Variants in KLF15 observed in about 807,000 individuals in gnomAD.
KLF15 encodes KLF transcription factor 15.
KLF15 carries 4 observed loss-of-function variants against 24.6 expected under a neutral mutation model. That is an observed-to-expected ratio of 0.16 (90% CI 0.08 to 0.37). KLF15 has a LOEUF of 0.37. KLF15 is among the 10% of genes least tolerant of loss of function. The pLI is 1.00. For missense variants in KLF15, 496 were observed against 560.6 expected (o/e 0.88, Z 1.16); for synonymous variants, 246 against 236.3 (o/e 1.04, Z -0.37).
intron 2 of KLF15, among the ~76,000 whole-genome samples, chr3:126,351,521 C>T (rs890858348): frequency 9.9e-5 from 15 of 152,072 alleles, no homozygotes; most frequent in Admixed American, 9.2e-4. Flanking sequence ...GCCCCTAGAC[C>T]GCACTCATCC....
chr3:126,303,720 C>CT, the KLF15 span, among the ~76,000 whole-genome samples: 63,031 of 149,704 alleles, frequency 0.42, 13,443 homozygotes, highest in African/African-American at 0.46. Context: ...CTTTATATAT[C>CT]TTTTTTTTTA....
At chr3:126,341,776 G>A (rs1250920621), downstream of KLF15, among the ~76,000 whole-genome samples, 12 of 152,182 alleles carry the variant, frequency 7.9e-5, no homozygotes, top group Admixed American at 7.2e-4. Context: ...TTTTCACCGA[G>A]AAACACTTGA....
the KLF15 span, among the ~76,000 whole-genome samples, chr3:126,321,293 A>G: frequency 6.6e-6 from 1 of 152,204 alleles, no homozygotes; most frequent in African/African-American, 2.4e-5. Flanking sequence ...TAAAGCTTCA[A>G]TGGGTAAGAG....
chr3:126,339,127 C>G (rs2082460784), downstream of KLF15, among the ~76,000 whole-genome samples: 1 of 152,178 alleles, frequency 6.6e-6, no homozygotes, highest in Non-Finnish European at 1.5e-5. Flanking sequence ...GGAGGGGCTC[C>G]TTTGGGGTCC....
In KLF15 at chr3:126,343,141, G is replaced by T. The variant is rs190340804; in HGVS notation, c.*586C>A. 11 of 59,764 alleles carry T rather than the reference G, an allele frequency of 1.8e-4. No individual in the cohort carries two copies. The highest frequency in any genetic ancestry group is 6.3e-4 in the African/African-American group (11 of 17,600). 3.7% of individuals were successfully genotyped at this position (59,764 alleles called of 1,614,324 possible). A position where few individuals can be genotyped will look rare whatever the true frequency, so the allele number is the denominator to read the frequency against. On this transcript the variant is annotated 3_prime_UTR_variant, in exon 3 of 3. Transcript: ENST00000296233. ...CCTCTCTCCCACATGAGGGCCCAGC[G>T]GCCCGGTCCTGCCCCCCCCCCCCCC...
the KLF15 span, among the ~76,000 whole-genome samples, chr3:126,328,329 T>G: frequency 6.6e-6 from 1 of 152,222 alleles, no homozygotes; most frequent in East Asian, 1.9e-4. Flanking sequence ...ATCCACTCGT[T>G]GACTGATGGG....
the KLF15 span, among the ~76,000 whole-genome samples, chr3:126,293,144 TAAA>T: frequency 2.5e-5 from 3 of 118,572 alleles, no homozygotes; most frequent in Admixed American, 8.7e-5. Flanking sequence ...ACTGCATCTC[TAAA>T]AAAAAAAAAA....
chr3:126,323,410 TATATATATATATATATATATATATAAC>T, the KLF15 span, among the ~76,000 whole-genome samples: 6 of 33,184 alleles, frequency 1.8e-4, no homozygotes, highest in Non-Finnish European at 2.9e-4. Context: ...TAGTTATATA[TATATATATATATATATATATATATAAC>T]ATATATATGT....
At chr3:126,323,429 ATATAT>A in the KLF15 span, among the ~76,000 whole-genome samples, 1 of 49,060 alleles carries the variant, frequency 2.0e-5, no homozygotes, top group African/African-American at 6.5e-5. Flanking sequence ...ATATATATAT[ATATAT>A]AACATATATA....
the KLF15 span, among the ~76,000 whole-genome samples, chr3:126,316,524 G>A: frequency 1.3e-5 from 2 of 149,402 alleles, no homozygotes; most frequent in African/African-American, 5.0e-5. Context: ...GCTGCAGTGG[G>A]GAGGGAGTAC....
At chr3:126,289,713 T>A in the KLF15 span, among the ~76,000 whole-genome samples, 1 of 152,368 alleles carries the variant, frequency 6.6e-6, no homozygotes, top group East Asian at 1.9e-4. Flanking sequence ...CTTCTTTCTA[T>A]GGATGCGTAA....
the KLF15 span, among the ~76,000 whole-genome samples, chr3:126,328,651 C>A: frequency 6.6e-6 from 1 of 152,024 alleles, no homozygotes; most frequent in Non-Finnish European, 1.5e-5. Flanking sequence ...ATGAAGTTTG[C>A]CAAATTATCC....
chr3:126,352,692 C>T lies in KLF15; in HGVS notation c.231G>A (p.Leu77=). Residue 77 remains leucine (L), a synonymous_variant, in exon 2 of 3, where the codon TTG becomes TTA. Coordinates refer to ENST00000296233, the MANE Select transcript of KLF15 (RefSeq NM_014079.4). ...GLGTESQDSI[L]DFLLSQATLG... ...GCGTGGCCTGGGACAATAGGAAGTC[C>T]AAGATGCTGTCCTGGCTCTCGGTGC... The T allele has an allele frequency of 6.3e-7, 1 of 1,592,732 alleles. No homozygotes were observed. Among genetic ancestry groups the T allele is most frequent in the Non-Finnish European group, 8.5e-7 (1 of 1,170,006 alleles).
At chr3:126,322,544 C>T in the KLF15 span, among the ~76,000 whole-genome samples, 7 of 152,228 alleles carry the variant, frequency 4.6e-5, no homozygotes, top group African/African-American at 1.7e-4. Context: ...CTCCCCCCAT[C>T]TCCAGACCCT....
chr3:126,294,195 TG>T, the KLF15 span, among the ~76,000 whole-genome samples: 1 of 152,170 alleles, frequency 6.6e-6, no homozygotes, highest in Non-Finnish European at 1.5e-5. Context: ...TCAGTGGGTG[TG>T]GGCTGTTAGT....
chr3:126,345,589 C>T (rs2082529421), intron 2 of KLF15, among the ~76,000 whole-genome samples: 1 of 151,600 alleles, frequency 6.6e-6, no homozygotes, highest in South Asian at 2.1e-4. Context: ...ATTCATGCCC[C>T]CATGTACTCA....
At position 126,356,993 on chromosome 3, in the gene KLF15, C is replaced by T; in HGVS notation, c.-26+244G>A. Among the ~76,000 whole-genome samples, 1 of 151,734 alleles carries T rather than the reference C, an allele frequency of 6.6e-6. No individual in the cohort carries two copies. ...ATCGCCCGGCCAGGCACCGAGGCGG[C>T]GGCGCGGGCCTCAGCAAAGTGCTGG... On this transcript the variant is annotated intron_variant, in intron 1 of 2. Coordinates refer to ENST00000296233, the MANE Select transcript of KLF15 (RefSeq NM_014079.4). This position sits in a 1 kb window ranked among gnomAD's most constrained non-coding sequence, Gnocchi z 4.4.
At chr3:126,298,506 C>A in the KLF15 span, among the ~76,000 whole-genome samples, 1 of 151,772 alleles carries the variant, frequency 6.6e-6, no homozygotes, top group Non-Finnish European at 1.5e-5. Flanking sequence ...GTCCTTGTTG[C>A]ATTTGCTTTT....
chr3:126,311,647 T>C, the KLF15 span, among the ~76,000 whole-genome samples: 1 of 152,196 alleles, frequency 6.6e-6, no homozygotes, highest in Non-Finnish European at 1.5e-5. Flanking sequence ...CTCTGGCACT[T>C]TCCTTCCCAG....
Sources: gnomAD v4.1 joint callset for allele counts (sites outside exome capture counted in the v4.1 genomes callset) on GRCh38, gnomAD v4.1.1 for gene constraint, Gnocchi (gnomAD v3.1) non-coding constraint, MANE v1.5 for transcripts, NCBI Gene and HGNC (gene_info 2026-07-23, HGNC 2026-07-21) for gene names.